The following FBXO3 variants were observed in gnomAD, a reference collection of about 807,000 sequenced individuals.
FBXO3 encodes the protein F-box only protein 3.
Under a neutral mutation model 64.8 loss-of-function variants are expected in FBXO3, and 17 were observed. The ratio of observed to expected loss-of-function variants is 0.26; its 90% CI spans 0.18 to 0.39. The LOEUF (loss-of-function observed/expected upper bound fraction) is 0.39. FBXO3 is among the 10% of genes least tolerant of loss of function. The probability of loss-of-function intolerance (pLI) is 1.00; values close to 1 mark genes in which losing one functional copy is unlikely to be tolerated. For missense variants in FBXO3, 420 were observed against 589.9 expected (o/e 0.71, Z 2.98); for synonymous variants, 182 against 201.6 (o/e 0.90, Z 0.82).
At chr11:33,760,372 G>A (rs916097927) in intron 3 of FBXO3, among the ~76,000 whole-genome samples, 2 of 152,194 alleles carry the variant, frequency 1.3e-5, no homozygotes, top group African/African-American at 4.8e-5. Flanking sequence ...GCTGGACTCA[G>A]TGGCTCATGC....
chr11:33,755,578 T>C (rs962714861), intron 5 of FBXO3, among the ~76,000 whole-genome samples, 193 bp downstream of exon 5: 1 of 152,244 alleles, frequency 6.6e-6, no homozygotes, highest in African/African-American at 2.4e-5. Context: ...ACCAGTTTTT[T>C]ATGTCCAACT....
chr11:33,747,088 A>C, intron 10 of FBXO3, 42 bp downstream of exon 10: 2 of 1,606,568 alleles, frequency 1.2e-6, no homozygotes, highest in Non-Finnish European at 1.7e-6. Context: ...TGTTAACCCT[A>C]CAAAGTCATG....
At chr11:33,754,525 G>T (rs369142966) in intron 5 of FBXO3, 25 bp from the exon 6 acceptor site, 216 of 1,541,796 alleles carry the variant, frequency 1.4e-4, no homozygotes, top group Middle Eastern at 3.4e-4. Flanking sequence ...GAATACAATC[G>T]ATAAAAACAC....
At chr11:33,769,857 T>TG (rs1383950079) in intron 2 of FBXO3, among the ~76,000 whole-genome samples, 3 of 72,402 alleles carry the variant, frequency 4.1e-5, no homozygotes, top group African/African-American at 1.2e-4. Context: ...AGGGTGGGTT[T>TG]TTTTTTTTTT....
At chr11:33,760,412 G>A (rs1855213795) in intron 3 of FBXO3, among the ~76,000 whole-genome samples, 1 of 152,130 alleles carries the variant, frequency 6.6e-6, no homozygotes, top group South Asian at 2.1e-4. Flanking sequence ...GGAGGCTGAG[G>A]TGGGAGGGTG....
At chr11:33,761,612 C>A (rs35162575) in intron 3 of FBXO3, among the ~76,000 whole-genome samples, 39,762 of 152,116 alleles carry the variant, frequency 0.26, 6,275 homozygotes, top group Middle Eastern at 0.48. Context: ...GTAATATTAG[C>A]AGCTTAAAGC....
intron 3 of FBXO3, among the ~76,000 whole-genome samples, chr11:33,762,702 T>C (rs1174452660): frequency 6.8e-6 from 1 of 146,934 alleles, no homozygotes; most frequent in Non-Finnish European, 1.5e-5. Context: ...TGAAAATCTA[T>C]GATCTAAGCA....
intron 8 of FBXO3, among the ~76,000 whole-genome samples, chr11:33,749,156 T>C (rs181141856): frequency 8.9e-4 from 135 of 152,218 alleles, no homozygotes; most frequent in Middle Eastern, 3.4e-3. Flanking sequence ...CAACATAAAA[T>C]GTGCAACATA....
intron 10 of FBXO3, chr11:33,745,030 T>C (rs959852710): frequency 1.3e-5 from 2 of 152,002 alleles, no homozygotes; most frequent in African/African-American, 2.4e-5. Flanking sequence ...GTCGACCCAA[T>C]AGTAACTCAA....
intron 10 of FBXO3, chr11:33,745,322 T>C (rs1373909661): frequency 3.3e-5 from 5 of 150,278 alleles, no homozygotes; most frequent in African/African-American, 1.2e-4. Context: ...TCAGCAAGTA[T>C]ACAGAAGACT....
chr11:33,761,526 TA>T (rs1333301427), intron 3 of FBXO3, among the ~76,000 whole-genome samples: 1 of 152,204 alleles, frequency 6.6e-6, no homozygotes, highest in Admixed American at 6.5e-5. Flanking sequence ...ATAAGAGCTT[TA>T]AAAAATATTT....
At chr11:33,761,995 A>G (rs1220556886) in intron 3 of FBXO3, among the ~76,000 whole-genome samples, 1 of 152,248 alleles carries the variant, frequency 6.6e-6, no homozygotes, top group Non-Finnish European at 1.5e-5. Context: ...TTTTTGATTA[A>G]TAATTAACTC....
chr11:33,760,482 A>G (rs1195072719), intron 3 of FBXO3, among the ~76,000 whole-genome samples: 1 of 152,082 alleles, frequency 6.6e-6, no homozygotes, highest in Non-Finnish European at 1.5e-5. Flanking sequence ...ATCTATAAAA[A>G]AAAAAACCTT....
Position 33,769,019 on chromosome 11 carries a change from A to G in FBXO3, c.195-5T>C. 6.3e-7 allele frequency: 1 copy of G among 1,592,658 alleles called. No homozygotes were observed. Among genetic ancestry groups the G allele is most frequent in the South Asian group, 1.2e-5 (1 of 86,480 alleles). ...TTCTTCTGTGTTTTCTCTTCCCTAA[A>G]TAGATGAAAAACATGAGATTTTAAA... On this transcript the variant is annotated splice_polypyrimidine_tract_variant and splice_region_variant and intron_variant, in intron 2 of 10. Coordinates refer to ENST00000265651, the MANE Select transcript of FBXO3 (RefSeq NM_012175.4).
chr11:33,751,916 G>T (rs751055392), intron 6 of FBXO3, among the ~76,000 whole-genome samples: 9 of 152,136 alleles, frequency 5.9e-5, no homozygotes, highest in Non-Finnish European at 1.3e-4. Context: ...GTACAAGAAT[G>T]AAAAGCCTTC....
chr11:33,758,726 G>A, intron 3 of FBXO3, 125 bp from the exon 4 acceptor site: 3 of 533,094 alleles, frequency 5.6e-6, no homozygotes, highest in African/African-American at 1.9e-5. Flanking sequence ...ATATATGGCT[G>A]AAATAGAAGG....
chr11:33,755,996 A>G, intron 4 of FBXO3, 21 bp from the exon 5 acceptor site: 1 of 1,598,966 alleles, frequency 6.3e-7, no homozygotes, highest in South Asian at 1.1e-5. Context: ...TACAGACTCA[A>G]ACATGTAATA....
In FBXO3 at chr11:33,758,504, C is replaced by T. The variant is rs1328993257; in HGVS notation, c.456G>A (p.Gln152=). 2 of 1,603,254 alleles carry T rather than the reference C, an allele frequency of 1.2e-6. No homozygotes were observed. The highest frequency in any genetic ancestry group is 1.7e-5 in the Admixed American group (1 of 59,522). ...YRCSYRIHNG[Q]KLVVPGLLGS... ...TATCTTACCCAGGAACCACTAACTT[C>T]TGTCCATTGTGAATTCGGTATGAAC... Residue 152 remains glutamine, a synonymous_variant, in exon 4 of 11, where the codon CAG becomes CAA. Transcript: ENST00000265651.
intron 5 of FBXO3, 115 bp from the exon 6 acceptor site, chr11:33,754,615 TAAGAA>T (rs898926136): frequency 1.3e-6 from 1 of 791,804 alleles, no homozygotes; most frequent in African/African-American, 1.8e-5. Context: ...AAAGTTGAGA[TAAGAA>T]GATATATGGC....
Sources: allele counts gnomAD v4.1 joint callset (sites outside exome capture counted in the v4.1 genomes callset), GRCh38; gene constraint gnomAD v4.1.1; transcripts MANE v1.5; gene names NCBI Gene and HGNC (gene_info 2026-07-23, HGNC 2026-07-21).